The following TEX36 variants were observed in gnomAD, a reference collection of about 807,000 sequenced individuals.
TEX36 encodes testis expressed 36.
Under a neutral mutation model 13.6 loss-of-function variants are expected in TEX36, and 12 were observed. The observed-to-expected ratio is 0.88, with a 90% CI of 0.56 to 1.43. TEX36 has a LOEUF of 1.43. Among genes scored for constraint, TEX36 ranks in the 40% most tolerant of loss-of-function variants. The pLI, the probability that TEX36 is intolerant of heterozygous loss-of-function variation, is 0.00. For missense variants in TEX36, 224 were observed against 228.3 expected (o/e 0.98, Z 0.12); for synonymous variants, 93 against 83.0 (o/e 1.12, Z -0.65).
intron 3 of TEX36, among the ~76,000 whole-genome samples, chr10:125,610,695 A>G (rs541949896): frequency 2.6e-5 from 4 of 152,078 alleles, no homozygotes; most frequent in Admixed American, 2.6e-4. Context: ...ATTTGCCAAT[A>G]TTTTATGTTA....
chr10:125,676,756 T>C (rs1194811958), intron 1 of TEX36, among the ~76,000 whole-genome samples: 1 of 152,216 alleles, frequency 6.6e-6, no homozygotes, highest in African/African-American at 2.4e-5. Context: ...TGGTACAATT[T>C]GAATCCTTTC....
intron 3 of TEX36, among the ~76,000 whole-genome samples, chr10:125,630,190 A>G (rs183559005): frequency 6.6e-6 from 1 of 152,268 alleles, no homozygotes. Context: ...GCATTTTATT[A>G]TTTATTTTGT....
intron 3 of TEX36, among the ~76,000 whole-genome samples, chr10:125,626,212 C>T (rs1589760900): frequency 6.6e-6 from 1 of 152,202 alleles, no homozygotes; most frequent in Non-Finnish European, 1.5e-5. Context: ...GTCCCACGAG[C>T]CCTCCCTGGT....
chr10:125,615,822 C>G (rs1846350047), intron 3 of TEX36, among the ~76,000 whole-genome samples: 1 of 152,128 alleles, frequency 6.6e-6, no homozygotes, highest in African/African-American at 2.4e-5. Flanking sequence ...AGGATTCCCT[C>G]TTTTTCTATT....
At chr10:125,667,847 T>G (rs936631331) in intron 1 of TEX36, 1 of 1,502,358 alleles carries the variant, frequency 6.7e-7, no homozygotes, top group African/African-American at 1.4e-5. Context: ...CCCAGTGGAC[T>G]CATCTGCAGC....
intron 3 of TEX36, among the ~76,000 whole-genome samples, chr10:125,613,658 G>A (rs371764974): frequency 9.2e-5 from 14 of 151,544 alleles, no homozygotes; most frequent in Admixed American, 2.0e-4. Flanking sequence ...TATGTGCCAC[G>A]TTTTCTTAAT....
At chr10:125,581,253 G>A (rs1333570447) in intron 3 of TEX36, among the ~76,000 whole-genome samples, 1 of 152,120 alleles carries the variant, frequency 6.6e-6, no homozygotes, top group African/African-American at 2.4e-5. Flanking sequence ...GGAGTTGATT[G>A]ACAAACACCC....
intron 3 of TEX36, among the ~76,000 whole-genome samples, chr10:125,604,618 C>A (rs181562795): frequency 4.4e-4 from 67 of 152,266 alleles, no homozygotes; most frequent in African/African-American, 1.6e-3. Context: ...TTGAGACCAT[C>A]CTGGTCAACA....
intron 3 of TEX36, among the ~76,000 whole-genome samples, chr10:125,659,488 G>C (rs1846997193): frequency 6.6e-6 from 1 of 152,158 alleles, no homozygotes; most frequent in Non-Finnish European, 1.5e-5. Context: ...AATTCTGTAT[G>C]ATTTCAGTTT....
downstream of TEX36, among the ~76,000 whole-genome samples, chr10:125,650,815 A>C (rs1431249068): frequency 6.6e-6 from 1 of 152,362 alleles, no homozygotes; most frequent in African/African-American, 2.4e-5. Flanking sequence ...TCAAGGGGAT[A>C]TCACCACCGA....
intron 3 of TEX36, among the ~76,000 whole-genome samples, chr10:125,644,340 T>A (rs1210256333): frequency 6.6e-6 from 1 of 152,010 alleles, no homozygotes; most frequent in African/African-American, 2.4e-5. Flanking sequence ...TAAGTAGCCA[T>A]CTAAGACACA....
At chr10:125,578,455 C>T (rs777916618) in intron 3 of TEX36, 1 of 152,328 alleles carries the variant, frequency 6.6e-6, no homozygotes, top group Admixed American at 6.5e-5. Flanking sequence ...ACTGAATTTT[C>T]AGTCATTCTT....
At chr10:125,667,536 T>A in intron 1 of TEX36, 2 of 736,342 alleles carry the variant, frequency 2.7e-6, no homozygotes, top group Non-Finnish European at 5.1e-6. Context: ...CCATCCTTCT[T>A]GTACTGGGCA....
At chr10:125,649,084 G>C (rs1846814832) in intron 3 of TEX36, among the ~76,000 whole-genome samples, 1 of 152,198 alleles carries the variant, frequency 6.6e-6, no homozygotes, top group African/African-American at 2.4e-5. Context: ...AACCTCTTCA[G>C]GATATTATCC....
At position 125,628,806 on chromosome 10, in the gene TEX36, T is replaced by C. The variant is rs1846518124; in HGVS notation, c.265-7161A>G. Reference sequence around the variant, plus strand: ...GGAGTGCCTGCTGCATCCCAGACATTGTCACAGACATCCCAGGTGATGCAT... The same window carrying C: ...GGAGTGCCTGCTGCATCCCAGACATCGTCACAGACATCCCAGGTGATGCAT... On this transcript the variant is annotated intron_variant, in intron 3 of 3. Transcript: ENST00000526819. 1.3e-5 allele frequency among the ~76,000 whole-genome samples: 2 copies of C among 152,186 alleles called. 1 individual carries two copies. Among genetic ancestry groups the C allele is most frequent in the South Asian group, 4.1e-4 (2 of 4,820 alleles).
In TEX36 at chr10:125,667,083, C is replaced by T. The variant is rs928562764; in HGVS notation, c.52-5106G>A. 7 of 1,152,254 alleles carry T rather than the reference C, an allele frequency of 6.1e-6. No individual in the cohort carries two copies. In the African/African-American group the frequency reaches 9.1e-5, roughly 15 times the overall value. The allele number at this position is 1,152,254 out of a possible 1,614,324, so 71.4% of individuals were successfully genotyped here. A position where few individuals can be genotyped will look rare whatever the true frequency, so the allele number is the denominator to read the frequency against. ...CCATAGGAGAAGGTCACAGGGAGCA[C>T]TTGTTAATGGCGTTGAGGTTGATGG... On this transcript the variant is annotated intron_variant, in intron 1 of 3. Transcript: ENST00000368821.
At chr10:125,644,338 C>T (rs1463255602) in intron 3 of TEX36, among the ~76,000 whole-genome samples, 2 of 151,610 alleles carry the variant, frequency 1.3e-5, no homozygotes, top group Non-Finnish European at 2.9e-5. Context: ...TTTAAGTAGC[C>T]ATCTAAGACA....
downstream of TEX36, among the ~76,000 whole-genome samples, chr10:125,619,788 C>A (rs974394156): frequency 2.6e-5 from 4 of 152,176 alleles, no homozygotes; most frequent in Non-Finnish European, 4.4e-5. Context: ...AACTCCTTAC[C>A]TCATGATCCA....
chr10:125,623,721 C>T (rs754728294), intron 3 of TEX36, among the ~76,000 whole-genome samples: 13 of 152,092 alleles, frequency 8.5e-5, no homozygotes, highest in African/African-American at 2.2e-4. Context: ...GCACTTTATT[C>T]GAAGGCATTC....
Sources: gnomAD v4.1 joint callset for allele counts (sites outside exome capture counted in the v4.1 genomes callset) on GRCh38, gnomAD v4.1.1 for gene constraint, MANE v1.5 for transcripts, NCBI Gene and HGNC (gene_info 2026-07-23, HGNC 2026-07-21) for gene names.